The following NFASC variants were observed in gnomAD, a reference collection of about 807,000 sequenced individuals.
NFASC encodes the protein neurofascin.
NFASC carries 43 observed loss-of-function variants against 147.5 expected under a neutral mutation model. The observed-to-expected ratio is 0.29, with a 90% CI of 0.23 to 0.38. The LOEUF (loss-of-function observed/expected upper bound fraction) is 0.38, where lower values mean the gene tolerates loss of function less well. Ranked by LOEUF, NFASC falls within the 10% of genes least tolerant of loss-of-function variation. The pLI is 1.00. For synonymous variants in NFASC, 622 were observed against 665.5 expected (o/e 0.93, Z 1.01); for missense variants, 1,320 against 1,689.0 (o/e 0.78, Z 3.83).
At chr1:204,866,114 C>T (rs1487915050) in intron 1 of NFASC, among the ~76,000 whole-genome samples, 3 of 152,168 alleles carry the variant, frequency 2.0e-5, no homozygotes, top group African/African-American at 7.2e-5. Context: ...TCTCCTAGCA[C>T]TGGGTCTTGG....
intron 8 of NFASC, among the ~76,000 whole-genome samples, chr1:204,965,060 C>T (rs1462874551): frequency 1.3e-5 from 2 of 152,196 alleles, no homozygotes; most frequent in Admixed American, 1.3e-4. Flanking sequence ...TGTCCCTGGG[C>T]AAGAAGTCAA....
At chr1:204,914,040 A>C (rs1469250439) in intron 1 of NFASC, among the ~76,000 whole-genome samples, 1 of 152,248 alleles carries the variant, frequency 6.6e-6, no homozygotes, top group Non-Finnish European at 1.5e-5. Context: ...TATGAAAAAA[A>C]TTTCATGCAT....
intron 28 of NFASC, among the ~76,000 whole-genome samples, chr1:205,011,942 G>A (rs1044780467): frequency 6.6e-6 from 1 of 152,202 alleles, no homozygotes; most frequent in Non-Finnish European, 1.5e-5. Flanking sequence ...AGCCAGGCGC[G>A]GTGGCAGGCG....
At chr1:204,839,044 C>G (rs1446090520) in intron 1 of NFASC, among the ~76,000 whole-genome samples, 1 of 152,200 alleles carries the variant, frequency 6.6e-6, no homozygotes, top group Non-Finnish European at 1.5e-5. Context: ...TGTCTCTGTT[C>G]TTAGGCTTGC....
Position 204,979,624 on chromosome 1 carries a change from C to G in NFASC, c.2176+65C>G, listed in dbSNP as rs2095474789. The G allele has an allele frequency of 3.5e-6, 5 of 1,440,852 alleles. No homozygotes were observed. Among genetic ancestry groups the G allele is most frequent in the Non-Finnish European group, 4.9e-6 (5 of 1,024,642 alleles). 89.3% of individuals were successfully genotyped at this position (1,440,852 alleles called of 1,614,324 possible). On this transcript the variant is annotated intron_variant, in intron 19 of 29. Transcript: ENST00000339876. This position sits in a 1 kb window ranked among gnomAD's most constrained non-coding sequence, Gnocchi z 6.0. ...CGCACCCCAAACTCACACTGAGATCCCCCCATTCCCAGCCATGTGAACTTA... is the reference window on the plus strand; with the variant it reads ...CGCACCCCAAACTCACACTGAGATCGCCCCATTCCCAGCCATGTGAACTTA...
chr1:204,955,251 T>A (rs2094371569), intron 7 of NFASC, among the ~76,000 whole-genome samples: 1 of 152,172 alleles, frequency 6.6e-6, no homozygotes, highest in Non-Finnish European at 1.5e-5. Flanking sequence ...TCTAATAGGA[T>A]TATTATAAGA....
intron 26 of NFASC, 40 bp downstream of exon 26, chr1:205,001,326 G>A (rs369197800): frequency 8.2e-5 from 110 of 1,335,954 alleles, no homozygotes; most frequent in East Asian, 2.6e-4. Context: ...CGGCAGCGGC[G>A]TCGGCAGCAG....
intron 1 of NFASC, among the ~76,000 whole-genome samples, chr1:204,893,138 A>G (rs1279073729): frequency 6.6e-6 from 1 of 152,218 alleles, no homozygotes; most frequent in Non-Finnish European, 1.5e-5. Context: ...GAGAGGGAGA[A>G]GAAGCTGCTT....
intron 1 of NFASC, among the ~76,000 whole-genome samples, chr1:204,881,524 A>C (rs554773441): frequency 1.0e-3 from 157 of 152,280 alleles, no homozygotes; most frequent in Non-Finnish European, 1.9e-3. Context: ...CTTTACTATG[A>C]GTGGGGCCTT....
At position 204,871,064 on chromosome 1, in the gene NFASC, G is replaced by T. The variant is rs1008201436; in HGVS notation, c.-200+42282G>T. 8.5e-6 allele frequency: 11 copies of T among 1,289,736 alleles called. No individual in the cohort carries two copies. The African/African-American group carries it at 1.5e-4, about 18-fold the overall frequency. 79.9% of individuals were successfully genotyped at this position (1,289,736 alleles called of 1,614,324 possible). ...ATGAACCAGACCATGGCTCCTTCAG[G>T]AGAGAGGTAGGATGGTCAACTCTGC... is the stretch of plus-strand genomic sequence containing the variant. On this transcript the variant is annotated intron_variant, in intron 1 of 29. Transcript: ENST00000339876.
In NFASC at chr1:204,939,038, A is replaced by ATGTGTGTGTGTGTGTGTGTG. The variant is rs60166382; in HGVS notation, c.-90-5158_-90-5139dup. Among the ~76,000 whole-genome samples the ATGTGTGTGTGTGTGTGTGTG allele has an allele frequency of 1.1e-4, 13 of 123,670 alleles. 1 individual carries two copies. The highest frequency in any genetic ancestry group is 2.1e-4 in the African/African-American group (7 of 32,766). 81.1% of individuals were successfully genotyped at this position (123,670 alleles called of 152,430 possible). On this transcript the variant is annotated intron_variant, in intron 2 of 29. Transcript: ENST00000339876. ...TTCTCTTTTCTTCCTGTATGGATGGATGTGTGTGTGTGTGTGTGTGTGTGT... is the reference window on the plus strand; with the variant it reads ...TTCTCTTTTCTTCCTGTATGGATGGATGTGTGTGTGTGTGTGTGTGTGTGTGTGTGTGTGTGTGTGTGTGT...
At chr1:204,970,831 G>A in intron 11 of NFASC, 84 bp downstream of exon 11, 1 of 1,558,330 alleles carries the variant, frequency 6.4e-7, no homozygotes, top group Non-Finnish European at 8.8e-7. Flanking sequence ...GCCAGTGCTG[G>A]TCACACTAGA....
rs369634816 is a variant in NFASC, at chr1:204,934,214, T to C, written c.-90-10012T>C. On this transcript the variant is annotated intron_variant, in intron 2 of 29. Transcript: ENST00000339876. ...AGGCAGAGAGCCAGTTGAGAAGAGTTTGGAAGTTCTGGGGAGAGCAGCATT... is the reference window on the plus strand; with the variant it reads ...AGGCAGAGAGCCAGTTGAGAAGAGTCTGGAAGTTCTGGGGAGAGCAGCATT... Among the ~76,000 whole-genome samples, 22 of 150,984 alleles carry C rather than the reference T, an allele frequency of 1.5e-4. No homozygotes were observed. The East Asian group carries it at 2.1e-3, about 15-fold the overall frequency.
chr1:204,876,996 GTATATATATATATATATA>G (rs60582969), intron 1 of NFASC, among the ~76,000 whole-genome samples: 3 of 74,658 alleles, frequency 4.0e-5, no homozygotes, highest in Admixed American at 4.1e-4. Context: ...GGCTAAATAT[GTATATATATATATATATA>G]TATATATATA....
chr1:204,846,175 A>G (rs1284709626), intron 1 of NFASC, among the ~76,000 whole-genome samples: 1 of 149,346 alleles, frequency 6.7e-6, no homozygotes, highest in East Asian at 2.0e-4. Flanking sequence ...AGAGCAAGAC[A>G]GTGAGAAGTG....
intron 1 of NFASC, among the ~76,000 whole-genome samples, chr1:204,898,128 C>G (rs569983562): frequency 5.9e-5 from 9 of 152,272 alleles, no homozygotes; most frequent in African/African-American, 2.2e-4. Context: ...AGCAGTCTTC[C>G]CACCTGAGTC....
At chr1:204,861,991 A>G (rs1288202484) in intron 1 of NFASC, among the ~76,000 whole-genome samples, 1 of 152,150 alleles carries the variant, frequency 6.6e-6, no homozygotes, top group African/African-American at 2.4e-5. Flanking sequence ...AATTATTTTT[A>G]GTGGTGTTAC....
chr1:204,915,163 C>T (rs6687266), intron 1 of NFASC, among the ~76,000 whole-genome samples: 32,404 of 151,952 alleles, frequency 0.21, 3,887 homozygotes, highest in East Asian at 0.43. Flanking sequence ...GCCTGTAGTC[C>T]CAGCTACTCG....
chr1:204,985,970 C>A (rs752913035), intron 21 of NFASC: 2 of 1,613,812 alleles, frequency 1.2e-6, no homozygotes, highest in African/African-American at 1.3e-5. Context: ...GAAGAGACAG[C>A]AAGCCAGCTT....
Sources: gnomAD v4.1 joint callset for allele counts (sites outside exome capture counted in the v4.1 genomes callset) on GRCh38, gnomAD v4.1.1 for gene constraint, Gnocchi (gnomAD v3.1) non-coding constraint, MANE v1.5 for transcripts, NCBI Gene and HGNC (gene_info 2026-07-23, HGNC 2026-07-21) for gene names.